The following ERC1 variants were observed in gnomAD, a reference collection of about 807,000 sequenced individuals.
ERC1 encodes RAB6 interacting protein 2.
A neutral mutation model predicts 132.0 loss-of-function variants in ERC1; 56 were observed. That is an observed-to-expected ratio of 0.42 (90% CI 0.34 to 0.53). The LOEUF is 0.53. ERC1 is among the 20% of genes least tolerant of loss of function. ERC1 has a pLI of 0.03. For missense variants in ERC1, 1,202 were observed against 1,349.9 expected, an observed-to-expected ratio of 0.89 and a Z score of 1.72; for synonymous variants, 478 against 476.1, an observed-to-expected ratio of 1.00 and a Z score of -0.05.
intron 17 of ERC1, among the ~76,000 whole-genome samples, chr12:1,429,109 TGATA>T (rs1308697799): frequency 5.3e-5 from 8 of 152,208 alleles, no homozygotes; most frequent in Non-Finnish European, 1.2e-4. Flanking sequence ...TTCTTTTCAT[TGATA>T]GATAGTCACT....
chr12:1,438,682 C>T (rs1273576332), intron 17 of ERC1, among the ~76,000 whole-genome samples: 1 of 152,150 alleles, frequency 6.6e-6, no homozygotes, highest in African/African-American at 2.4e-5. Context: ...TGGCTCAGGC[C>T]TGTTATCCTA....
At chr12:1,020,974 C>T (rs907323356) in intron 1 of ERC1, among the ~76,000 whole-genome samples, 20 of 152,314 alleles carry the variant, frequency 1.3e-4, no homozygotes, top group African/African-American at 4.8e-4. Context: ...GAGTCCTGCT[C>T]TTTCACCCAG....
chr12:1,131,488 GTCTC>G (rs960696215), intron 7 of ERC1, among the ~76,000 whole-genome samples: 9 of 152,106 alleles, frequency 5.9e-5, no homozygotes, highest in African/African-American at 1.2e-4. Context: ...TTGAGGCAGA[GTCTC>G]TCTCTGTCAC....
chr12:1,011,592 T>A (rs1964692948), intron 1 of ERC1, among the ~76,000 whole-genome samples: 1 of 152,204 alleles, frequency 6.6e-6, no homozygotes, highest in South Asian at 2.1e-4. Flanking sequence ...AGCTCATCTT[T>A]TGGCTGTGCT....
At chr12:1,364,381 C>G (rs2086456304) in intron 15 of ERC1, among the ~76,000 whole-genome samples, 1 of 152,152 alleles carries the variant, frequency 6.6e-6, no homozygotes, top group Non-Finnish European at 1.5e-5. Flanking sequence ...CGTACAAAAT[C>G]AAATCACTTC....
At chr12:1,013,926 A>G (rs1178124579) in intron 1 of ERC1, among the ~76,000 whole-genome samples, 1 of 151,868 alleles carries the variant, frequency 6.6e-6, no homozygotes, top group Non-Finnish European at 1.5e-5. Flanking sequence ...TGTGGAGACG[A>G]GGTCTTGCCG....
At chr12:1,402,259 G>A (rs575057061) in intron 16 of ERC1, among the ~76,000 whole-genome samples, 12 of 152,278 alleles carry the variant, frequency 7.9e-5, no homozygotes, top group South Asian at 2.1e-4. Context: ...GGCTGGGCAC[G>A]GTGGCTCACG....
chr12:1,039,355 AAAATAAAT>A (rs1555211059), intron 2 of ERC1, among the ~76,000 whole-genome samples: 1 of 147,354 alleles, frequency 6.8e-6, no homozygotes, highest in Non-Finnish European at 1.5e-5. Context: ...AAAAAAAATA[AAAATAAAT>A]AAATAAATAA....
At chr12:1,314,258 G>A (rs1254136233) in intron 15 of ERC1, among the ~76,000 whole-genome samples, 1 of 152,008 alleles carries the variant, frequency 6.6e-6, no homozygotes, top group African/African-American at 2.4e-5. Context: ...TAGAAAAGTA[G>A]GCAAAGAATA....
Position 1,330,166 on chromosome 12 carries a change from C to T in ERC1, c.2780+40154C>T, listed in dbSNP as rs529160178. On this transcript the variant is annotated intron_variant, in intron 15 of 18. Coordinates refer to ENST00000360905, the MANE Select transcript of ERC1 (RefSeq NM_178040.4). ...TGTGAAATGCATAAACAACATAATA[C>T]ACGACAATGGGAAAAGTCAGATAGC... 2.0e-5 allele frequency among the ~76,000 whole-genome samples: 3 copies of T among 152,266 alleles called. No individual in the cohort carries two copies. The East Asian group carries it at 5.8e-4, about 29-fold the overall frequency.
chr12:1,303,170 T>C (rs941083161), intron 15 of ERC1, among the ~76,000 whole-genome samples: 12 of 152,176 alleles, frequency 7.9e-5, no homozygotes, highest in African/African-American at 2.2e-4. Context: ...TGGTGGTTGC[T>C]GAAGGTTCGG....
chr12:1,096,538 T>G (rs1258008662), intron 3 of ERC1, among the ~76,000 whole-genome samples: 1 of 152,218 alleles, frequency 6.6e-6, no homozygotes, highest in Non-Finnish European at 1.5e-5. Flanking sequence ...GCCCAGTCAA[T>G]CACCTTGTAG....
chr12:1,070,607 A>G (rs756088632), intron 2 of ERC1, among the ~76,000 whole-genome samples: 2 of 152,034 alleles, frequency 1.3e-5, no homozygotes, highest in Admixed American at 6.6e-5. Flanking sequence ...CTTCTAATCC[A>G]AGTCATTCCT....
chr12:1,244,392 A>G (rs564294205), intron 13 of ERC1: 1 of 290,186 alleles, frequency 3.4e-6, no homozygotes, highest in South Asian at 2.9e-5. Context: ...GTAAAGGGAA[A>G]CACTACTACC....
intron 11 of ERC1, among the ~76,000 whole-genome samples, chr12:1,185,002 C>G (rs1954914528): frequency 6.6e-6 from 1 of 152,298 alleles, no homozygotes; most frequent in South Asian, 2.1e-4. Flanking sequence ...CCTCCGCCTC[C>G]CGGTCTCAGG....
intron 2 of ERC1, among the ~76,000 whole-genome samples, chr12:1,076,201 G>C (rs1941308039): frequency 6.6e-6 from 1 of 152,020 alleles, no homozygotes; most frequent in African/African-American, 2.4e-5. Context: ...GCTGTGCTTC[G>C]TATAGTACAA....
intron 7 of ERC1, among the ~76,000 whole-genome samples, chr12:1,133,554 C>T (rs916421305): frequency 6.6e-6 from 1 of 152,152 alleles, no homozygotes; most frequent in African/African-American, 2.4e-5. Context: ...TTTCATATTC[C>T]ACTAAGGTCT....
At chr12:1,057,536 T>TA (rs1565878706) in intron 2 of ERC1, among the ~76,000 whole-genome samples, 5 of 149,910 alleles carry the variant, frequency 3.3e-5, no homozygotes, top group South Asian at 4.2e-4. Flanking sequence ...ACTTTTTTTT[T>TA]AAAAAGGTGA....
At chr12:1,328,462 C>T (rs112857328) in intron 15 of ERC1, among the ~76,000 whole-genome samples, 1 of 152,066 alleles carries the variant, frequency 6.6e-6, no homozygotes, top group Non-Finnish European at 1.5e-5. Flanking sequence ...TTTGAAAACA[C>T]GTGTATGGTC....
Sources: allele counts gnomAD v4.1 joint callset (sites outside exome capture counted in the v4.1 genomes callset), GRCh38; gene constraint gnomAD v4.1.1; transcripts MANE v1.5; gene names NCBI Gene and HGNC (gene_info 2026-07-23, HGNC 2026-07-21).